ZNF2: variants seen among roughly 807,000 people sequenced by gnomAD.
The protein encoded by ZNF2 is zinc finger protein 2.2.
A neutral mutation model predicts 21.9 loss-of-function variants in ZNF2; 12 were observed. The ratio of observed to expected loss-of-function variants is 0.55; its 90% CI spans 0.35 to 0.89. The LOEUF is 0.89. Among genes scored for constraint, ZNF2 ranks in the 40% least tolerant of loss-of-function variants. ZNF2 has a pLI of 0.01. For synonymous variants in ZNF2, 186 were observed against 196.3 expected, an observed-to-expected ratio of 0.95 and a Z score of 0.44; for missense variants, 462 against 544.2, an observed-to-expected ratio of 0.85 and a Z score of 1.50.
chr2:95,167,074 G>A (rs1018057905), intron 1 of ZNF2, among the ~76,000 whole-genome samples: 1 of 152,128 alleles, frequency 6.6e-6, no homozygotes, highest in Non-Finnish European at 1.5e-5. Context: ...ATGTTTCCAG[G>A]GCAAAAGTGG....
At chr2:95,174,513 C>T (rs1455538725) in intron 1 of ZNF2, among the ~76,000 whole-genome samples, 6 of 152,174 alleles carry the variant, frequency 3.9e-5, no homozygotes, top group African/African-American at 7.2e-5. Flanking sequence ...TAATCCTTTC[C>T]ATGTAAAGAC....
chr2:95,182,126 A>C lies in ZNF2; in HGVS notation c.*20A>C. 1.3e-6 allele frequency: 2 copies of C among 1,571,716 alleles called. No individual in the cohort carries two copies. Among genetic ancestry groups the C allele is most frequent in the South Asian group, 2.4e-5 (2 of 84,266 alleles). Reference sequence around the variant, plus strand: ...GACTGAGTTGGGCAAAAGCTTGGGTAGGACAAGAACTTCCATACAAATTTG... The same window carrying C: ...GACTGAGTTGGGCAAAAGCTTGGGTCGGACAAGAACTTCCATACAAATTTG... On this transcript the variant is annotated 3_prime_UTR_variant, in exon 5 of 5. Transcript: ENST00000614034.
chr2:95,174,973 C>T (rs1403670286), intron 1 of ZNF2, among the ~76,000 whole-genome samples: 1 of 152,174 alleles, frequency 6.6e-6, no homozygotes, highest in Non-Finnish European at 1.5e-5. Flanking sequence ...TCACCAGGAC[C>T]ACACCATCTC....
At chr2:95,181,034 A>T in intron 4 of ZNF2, 69 bp from the exon 5 acceptor site, 2 of 1,539,594 alleles carry the variant, frequency 1.3e-6, no homozygotes, top group Non-Finnish European at 1.8e-6. Context: ...GACTCATCGG[A>T]GCATCTCTTC....
At chr2:95,170,070 A>G (rs1321000485) in intron 1 of ZNF2, among the ~76,000 whole-genome samples, 3 of 152,168 alleles carry the variant, frequency 2.0e-5, no homozygotes, top group Non-Finnish European at 4.4e-5. Context: ...ACTCCCAATG[A>G]CTACACTTTC....
rs1306845517 is a variant in ZNF2 at position 95,181,564 on chromosome 2, G to A, written c.736G>A (p.Val246Ile). Residue 246 changes from valine to isoleucine, a missense_variant, in exon 5 of 5, where the codon GTC (valine) becomes ATC (isoleucine). Coordinates refer to ENST00000614034, the MANE Select transcript of ZNF2 (RefSeq NM_021088.4). ...KAFFDRSSLT[V>I]HQRIHTGEKP... The stretch of plus-strand genomic sequence containing the variant: ...CTTCTTTGACCGTTCGTCCCTAACT[G>A]TCCATCAGCGAATTCACACTGGAGA... The A allele has an allele frequency of 6.2e-7, 1 of 1,614,082 alleles. No individual in the cohort carries two copies. The highest frequency in any genetic ancestry group is 1.1e-5 in the South Asian group (1 of 91,078).
rs201966695 is a variant in ZNF2, at chr2:95,181,537, G to C, written c.709G>C (p.Ala237Pro). ...SPYECSVCSK[A>P]FFDRSSLTVH... is the part of the protein sequence containing the mutation. ...CTACGAGTGCAGTGTGTGCTCAAAA[G>C]CCTTCTTTGACCGTTCGTCCCTAAC... The change falls in exon 5 of 5, where the codon GCC (alanine) becomes CCC (proline). Residue 237 changes from alanine to proline, a missense_variant. Coordinates refer to ENST00000614034, the MANE Select transcript of ZNF2 (RefSeq NM_021088.4). 3.8e-5 allele frequency: 62 copies of C among 1,614,072 alleles called. No homozygotes were observed. Among genetic ancestry groups the C allele is most frequent in the Non-Finnish European group, 5.3e-5 (62 of 1,180,046 alleles).
chr2:95,181,805 C>T lies in ZNF2; in HGVS notation c.977C>T (p.Ser326Leu), dbSNP rs200670285. The T allele has an allele frequency of 6.7e-5, 108 of 1,614,202 alleles. No homozygotes were observed. The Middle Eastern group carries it at 8.2e-4, about 12-fold the overall frequency. ...TGCGGGAAAGCTTTCTATGGTGTCT[C>T]GTCTCTGAATAGACATCAGAAAGCT... The part of the protein sequence containing the change: ...NECGKAFYGV[S>L]SLNRHQKAHA... Residue 326 changes from serine to leucine, a missense_variant, in exon 5 of 5, where the codon TCG (serine) becomes TTG (leucine). Physicochemically the swap from Ser to Leu is moderately radical, Grantham distance 145. Coordinates refer to ENST00000614034, the MANE Select transcript of ZNF2 (RefSeq NM_021088.4).
intron 1 of ZNF2, among the ~76,000 whole-genome samples, chr2:95,168,005 G>A (rs1674141927): frequency 6.6e-6 from 1 of 152,086 alleles, no homozygotes; most frequent in Non-Finnish European, 1.5e-5. Flanking sequence ...CAACCTAAAT[G>A]AGAACTGCTT....
At chr2:95,173,325 C>T (rs1195927146) in intron 1 of ZNF2, among the ~76,000 whole-genome samples, 3 of 152,044 alleles carry the variant, frequency 2.0e-5, no homozygotes, top group South Asian at 2.1e-4. Context: ...GATTAATGGA[C>T]ATTGAAGTTG....
intron 4 of ZNF2, 132 bp from the exon 5 acceptor site, chr2:95,180,971 C>A: frequency 9.2e-7 from 1 of 1,089,860 alleles, no homozygotes; most frequent in Non-Finnish European, 1.3e-6. Context: ...CCCTCCCTGC[C>A]GTGTAAGACT....
chr2:95,179,187 T>A (rs1232723023), intron 3 of ZNF2, among the ~76,000 whole-genome samples: 1 of 152,142 alleles, frequency 6.6e-6, no homozygotes, highest in African/African-American at 2.4e-5. Flanking sequence ...AGACAGGGTT[T>A]CACCATGTTG....
intron 1 of ZNF2, among the ~76,000 whole-genome samples, chr2:95,169,330 A>G (rs2104494475): frequency 6.6e-6 from 1 of 152,376 alleles, no homozygotes; most frequent in African/African-American, 2.4e-5. Flanking sequence ...AACATTTAAC[A>G]CTGAGCAGTT....
At chr2:95,172,926 T>C in intron 1 of ZNF2, among the ~76,000 whole-genome samples, 1 of 151,508 alleles carries the variant, frequency 6.6e-6, no homozygotes. Context: ...TGTGAGCCAC[T>C]GCACCTGGCC....
chr2:95,177,536 T>C lies in ZNF2; in HGVS notation c.87T>C (p.Ser29=), dbSNP rs776493845. The change falls in exon 3 of 5, where the codon AGT becomes AGC. Residue 29 remains serine (S), a synonymous_variant. Transcript: ENST00000614034. ...VAVVFTDEEW[S]RLVPIQRDLY... ...TGGTTTTCACAGATGAAGAGTGGAGTCGTCTGGTCCCCATACAGAGGGACC... is the reference window on the plus strand; with the variant it reads ...TGGTTTTCACAGATGAAGAGTGGAGCCGTCTGGTCCCCATACAGAGGGACC... The C allele has an allele frequency of 1.9e-6, 3 of 1,613,656 alleles. No homozygotes were observed. Among genetic ancestry groups the C allele is most frequent in the South Asian group, 1.1e-5 (1 of 91,060 alleles).
intron 1 of ZNF2, among the ~76,000 whole-genome samples, chr2:95,173,523 G>A (rs1674349738): frequency 6.6e-6 from 1 of 152,188 alleles, no homozygotes; most frequent in African/African-American, 2.4e-5. Flanking sequence ...CTCCCAGGCA[G>A]ACATGGTTTC....
Position 95,176,360 on chromosome 2 carries a change from G to GT in ZNF2, c.33+101_33+102insT, listed in dbSNP as rs1674445386. ...AGCCTCTTTGAGCAGACCCAGCCAG[G>GT]CAGATGAAGGACTCCACAGGGAGTA... On this transcript the variant is annotated intron_variant, in intron 2 of 4. Transcript: ENST00000614034. 15 of 1,388,910 alleles carry GT rather than the reference G, an allele frequency of 1.1e-5. No individual in the cohort carries two copies. In the Admixed American group the frequency reaches 2.6e-4, roughly 24 times the overall value. 86.0% of individuals were successfully genotyped at this position (1,388,910 alleles called of 1,614,324 possible). A position where few individuals can be genotyped will look rare whatever the true frequency, so the allele number is the denominator to read the frequency against.
chr2:95,171,827 C>G (rs1558711325), intron 1 of ZNF2, among the ~76,000 whole-genome samples: 1 of 152,180 alleles, frequency 6.6e-6, no homozygotes, highest in African/African-American at 2.4e-5. Context: ...CCCATCACAC[C>G]ACAGCCACTC....
chr2:95,180,224 G>T lies in ZNF2; in HGVS notation c.226G>T (p.Asp76Tyr). 1 of 1,614,156 alleles carries T rather than the reference G, an allele frequency of 6.2e-7. No individual in the cohort carries two copies. The highest frequency in any genetic ancestry group is 8.5e-7 in the Non-Finnish European group (1 of 1,180,014). Reference sequence around the variant, plus strand: ...GAGAGGGGACAAGCCGTGGATGGTAGATCTTCATGGGTCTGAGGAGAGAGA... The same window carrying T: ...GAGAGGGGACAAGCCGTGGATGGTATATCTTCATGGGTCTGAGGAGAGAGA... ...LKRGDKPWMV[D>Y]LHGSEEREWP... Residue 76 changes from aspartate (D) to tyrosine (Y), a missense_variant, in exon 4 of 5, where the codon GAT (aspartate) becomes TAT (tyrosine). Asp to Tyr is a radical substitution (Grantham distance 160). Transcript: ENST00000614034.
Sources: allele counts gnomAD v4.1 joint callset (sites outside exome capture counted in the v4.1 genomes callset), GRCh38; gene constraint gnomAD v4.1.1; transcripts MANE v1.5; gene names NCBI Gene and HGNC (gene_info 2026-07-23, HGNC 2026-07-21).